MAP3K20: variants seen among roughly 807,000 people sequenced by gnomAD.
MAP3K20 encodes the protein HCCS-4.
A neutral mutation model predicts 85.7 loss-of-function variants in MAP3K20; 40 were observed. The observed-to-expected ratio is 0.47, with a 90% CI of 0.36 to 0.61. The LOEUF is 0.61. Among genes scored for constraint, MAP3K20 ranks in the 20% least tolerant of loss-of-function variants. MAP3K20 has a pLI of 0.00. For synonymous variants in MAP3K20, 325 were observed against 327.7 expected (o/e 0.99, Z 0.09); for missense variants, 817 against 961.7 (o/e 0.85, Z 1.99).
intron 1 of MAP3K20, among the ~76,000 whole-genome samples, chr2:173,085,921 A>G (rs998561159): frequency 6.9e-6 from 1 of 144,682 alleles, no homozygotes; most frequent in African/African-American, 2.6e-5. Context: ...TCAACCTCCC[A>G]GGTAGCTGTG....
chr2:173,234,516 G>A (rs1297887567), intron 14 of MAP3K20, among the ~76,000 whole-genome samples: 1 of 152,178 alleles, frequency 6.6e-6, no homozygotes, highest in East Asian at 1.9e-4. Context: ...CTTGGGAGAG[G>A]CCATGGTGGG....
At chr2:173,144,582 C>T (rs1689084461) in intron 2 of MAP3K20, among the ~76,000 whole-genome samples, 2 of 151,156 alleles carry the variant, frequency 1.3e-5, no homozygotes, top group Non-Finnish European at 2.9e-5. Context: ...CCTGTAATCA[C>T]AGCTACTGGG....
At chr2:173,177,396 C>T (rs897680846) in intron 3 of MAP3K20, among the ~76,000 whole-genome samples, 4 of 150,108 alleles carry the variant, frequency 2.7e-5, no homozygotes, top group Non-Finnish European at 4.4e-5. Context: ...GGAAATTAGG[C>T]AACACACAGC....
chr2:173,176,494 G>A (rs1395342995), intron 3 of MAP3K20, among the ~76,000 whole-genome samples: 2 of 152,210 alleles, frequency 1.3e-5, no homozygotes, highest in Admixed American at 1.3e-4. Context: ...AACTGAGGTA[G>A]ACTGTGCTAA....
chr2:173,104,130 T>G (rs1218226009), intron 2 of MAP3K20, among the ~76,000 whole-genome samples: 1 of 152,190 alleles, frequency 6.6e-6, no homozygotes, highest in Non-Finnish European at 1.5e-5. Flanking sequence ...TTTCCAAAGA[T>G]TCAAGTATAG....
chr2:173,117,997 G>A (rs990591786), intron 2 of MAP3K20, among the ~76,000 whole-genome samples: 1 of 152,178 alleles, frequency 6.6e-6, no homozygotes, highest in African/African-American at 2.4e-5. Flanking sequence ...GGTATGGCAG[G>A]AGACTTACCC....
chr2:173,176,962 T>C lies in MAP3K20; in HGVS notation c.248-5892T>C, dbSNP rs565354584. On this transcript the variant is annotated intron_variant, in intron 3 of 19. Transcript: ENST00000375213. ...TATTACTTGAGATAAATAGAACCAT[T>C]TCAAAATGATAAAAGGATCAAGACA... Among the ~76,000 whole-genome samples the C allele has an allele frequency of 2.0e-5, 3 of 152,246 alleles. No homozygotes were observed. In the South Asian group the frequency reaches 6.2e-4, roughly 32 times the overall value.
chr2:173,172,637 T>G (rs927493468), intron 3 of MAP3K20, among the ~76,000 whole-genome samples: 3 of 152,126 alleles, frequency 2.0e-5, no homozygotes, highest in East Asian at 1.9e-4. Flanking sequence ...TAAAACCTGC[T>G]TATCAGGGGA....
At chr2:173,200,887 C>A (rs1691034665) in intron 8 of MAP3K20, among the ~76,000 whole-genome samples, 1 of 152,136 alleles carries the variant, frequency 6.6e-6, no homozygotes, top group African/African-American at 2.4e-5. Flanking sequence ...CTGCCTCGGC[C>A]TCCCAAAGTG....
In MAP3K20 at chr2:173,267,385, C is replaced by T. The variant is rs1239278607; in HGVS notation, c.*635C>T. 1.3e-5 allele frequency: 2 copies of T among 152,030 alleles called. No homozygotes were observed. Among genetic ancestry groups the T allele is most frequent in the African/African-American group, 4.8e-5 (2 of 41,378 alleles). 9.4% of individuals were successfully genotyped at this position (152,030 alleles called of 1,614,324 possible). On this transcript the variant is annotated 3_prime_UTR_variant, in exon 20 of 20. Coordinates refer to ENST00000375213, the MANE Select transcript of MAP3K20 (RefSeq NM_016653.3). ...TTGTGCCCAAGGCAGGTACCTCACT[C>T]ATCTCATCCTTGGCTCAGCCCTGCT...
Position 173,169,895 on chromosome 2 carries a change from A to G in MAP3K20, c.247+3A>G, listed in dbSNP as rs1305810005. The G allele has an allele frequency of 2.5e-6, 4 of 1,612,718 alleles. No individual in the cohort carries two copies. Among genetic ancestry groups the G allele is most frequent in the Middle Eastern group, 1.7e-4 (1 of 6,058 alleles). Reference sequence around the variant, plus strand: ...TCCCAACTATGGCATTGTCACAGGTAAGAATTCAGTGTTTGACTTCTTTCT... The same window carrying G: ...TCCCAACTATGGCATTGTCACAGGTGAGAATTCAGTGTTTGACTTCTTTCT... On this transcript the variant is annotated splice_donor_region_variant and intron_variant, in intron 3 of 19. Coordinates refer to ENST00000375213, the MANE Select transcript of MAP3K20 (RefSeq NM_016653.3).
Position 173,191,194 on chromosome 2 carries a change from TTTC to T in MAP3K20, c.582+20_582+22del. The T allele has an allele frequency of 6.2e-7, 1 of 1,610,400 alleles. No individual in the cohort carries two copies. Among genetic ancestry groups the T allele is most frequent in the East Asian group, 2.2e-5 (1 of 44,854 alleles). ...TATGGTGTGGTGAGTTCATTTCTCA[TTTC>T]TTGTTTACTAAGGGAAATACAAAAA... On this transcript the variant is annotated intron_variant, in intron 7 of 19. Coordinates refer to ENST00000375213, the MANE Select transcript of MAP3K20 (RefSeq NM_016653.3).
At position 173,266,434 on chromosome 2, in the gene MAP3K20, A is replaced by G; in HGVS notation, c.2087A>G (p.Tyr696Cys). Residue 696 changes from tyrosine to cysteine, a missense_variant, in exon 20 of 20, where the codon TAC becomes TGC. By Grantham distance (194) the Tyr-to-Cys change is radical (BLOSUM62 -2). This residue lies in a region of MAP3K20 where 454 missense variants were observed against 476.9 expected (regional missense o/e 0.95). Coordinates refer to ENST00000375213, the MANE Select transcript of MAP3K20 (RefSeq NM_016653.3). ...CTCAATTCTTCTCCTAGAGGAAGAT[A>G]CAGTGGAAAGAGTCAGCATTCCACT... is the stretch of plus-strand genomic sequence containing the variant. Reference protein sequence around the residue: ...ISLNSSPRGRYSGKSQHSTPS... With the variant: ...ISLNSSPRGRCSGKSQHSTPS... The G allele has an allele frequency of 2.5e-6, 4 of 1,614,188 alleles. No homozygotes were observed. Among genetic ancestry groups the G allele is most frequent in the Non-Finnish European group, 3.4e-6 (4 of 1,180,022 alleles).
At chr2:173,108,007 T>A (rs1450823014) in intron 2 of MAP3K20, among the ~76,000 whole-genome samples, 2 of 152,262 alleles carry the variant, frequency 1.3e-5, no homozygotes, top group East Asian at 3.8e-4. Context: ...GAGTATAATG[T>A]TTCCCAAACT....
At chr2:173,134,420 A>ATTTTTTTTTTTT (rs1559246094) in intron 2 of MAP3K20, among the ~76,000 whole-genome samples, 1 of 6,154 alleles carries the variant, frequency 1.6e-4, no homozygotes, top group African/African-American at 6.2e-4. Context: ...ATATATATAT[A>ATTTTTTTTTTTT]TATATATATT....
At chr2:173,204,274 A>G (rs1282453209) in intron 9 of MAP3K20, among the ~76,000 whole-genome samples, 1 of 152,198 alleles carries the variant, frequency 6.6e-6, no homozygotes, top group African/African-American at 2.4e-5. Flanking sequence ...TGCCTCAATT[A>G]TCCTCATTTA....
At chr2:173,157,795 T>C (rs2106235435) in intron 2 of MAP3K20, among the ~76,000 whole-genome samples, 1 of 152,322 alleles carries the variant, frequency 6.6e-6, no homozygotes, top group Admixed American at 6.5e-5. Context: ...AGTTAGATCT[T>C]GGTTCTTGAC....
intron 1 of MAP3K20, among the ~76,000 whole-genome samples, chr2:173,077,199 T>A (rs1314530258): frequency 1.3e-5 from 2 of 152,158 alleles, no homozygotes; most frequent in African/African-American, 2.4e-5. Context: ...ACCCCGAAGC[T>A]GTTTTGGAAG....
At chr2:173,078,196 TTTTG>T (rs1164894732) in intron 1 of MAP3K20, among the ~76,000 whole-genome samples, 4 of 133,786 alleles carry the variant, frequency 3.0e-5, no homozygotes, top group Non-Finnish European at 3.5e-5. Flanking sequence ...TTTGTTTTTG[TTTTG>T]TTTTTGTTTT....
Sources: allele counts gnomAD v4.1 joint callset (sites outside exome capture counted in the v4.1 genomes callset), GRCh38; gene constraint gnomAD v4.1.1; regional missense constraint gnomAD v4.1.1; transcripts MANE v1.5; gene names NCBI Gene and HGNC (gene_info 2026-07-23, HGNC 2026-07-21).